CELF2: variants seen among roughly 807,000 people sequenced by gnomAD.
The protein encoded by CELF2 is CUG triplet repeat RNA-binding protein 2.
In CELF2, 8 loss-of-function variants were observed where a neutral mutation model predicts 62.6. That is an observed-to-expected ratio of 0.13 (90% CI 0.07 to 0.23). The LOEUF is 0.23. Among genes scored for constraint, CELF2 ranks in the 10% least tolerant of loss-of-function variants. CELF2 has a pLI of 1.00. For missense variants in CELF2, 333 were observed against 671.0 expected (o/e 0.50, Z 5.56); for synonymous variants, 258 against 250.0 (o/e 1.03, Z -0.30).
chr10:10,698,586 CT>C, the CELF2 span, among the ~76,000 whole-genome samples: 1 of 152,198 alleles, frequency 6.6e-6, no homozygotes, highest in East Asian at 1.9e-4. Flanking sequence ...AACTGCAGGT[CT>C]GGGTGAGGTG....
rs71378788 is a variant in CELF2 at position 11,285,826 on chromosome 10, G to GGT, written c.842-2541_842-2540dup. Among the ~76,000 whole-genome samples the GGT allele has an allele frequency of 1.9e-3, 247 of 128,782 alleles. 2 individuals are homozygous for GGT. The highest frequency in any genetic ancestry group is 6.9e-3 in the African/African-American group (236 of 34,022). The allele number at this position is 128,782 out of a possible 152,430, so 84.5% of individuals were successfully genotyped here. A position where few individuals can be genotyped will look rare whatever the true frequency, so the allele number is the denominator to read the frequency against. The stretch of plus-strand genomic sequence containing the variant: ...TTGCTCATCACCTACTATATATATT[G>GGT]GTGTGTGTGTGTGTGTGTGTGTGTG... On this transcript the variant is annotated intron_variant, in intron 8 of 12. Transcript: ENST00000633077. The surrounding 1 kb of genome is among the most constrained non-coding windows in gnomAD (Gnocchi z 4.3).
chr10:10,634,298 A>G, the CELF2 span, among the ~76,000 whole-genome samples: 1 of 152,060 alleles, frequency 6.6e-6, no homozygotes, highest in Non-Finnish European at 1.5e-5. Flanking sequence ...TCCTAGGTAT[A>G]TTCTAAATTG....
chr10:11,296,691 T>C lies in CELF2; in HGVS notation c.976+8139T>C, dbSNP rs568458383. On this transcript the variant is annotated intron_variant, in intron 9 of 12. Coordinates refer to ENST00000633077, the MANE Select transcript of CELF2 (RefSeq NM_001326342.2). This position sits in a 1 kb window ranked among gnomAD's most constrained non-coding sequence, Gnocchi z 5.0. Reference sequence around the variant, plus strand: ...TGGCCACCTACAAACACAAGCAAAATGTACCGACCTGTACAGCACAGACAG... The same window carrying C: ...TGGCCACCTACAAACACAAGCAAAACGTACCGACCTGTACAGCACAGACAG... 1.3e-5 allele frequency among the ~76,000 whole-genome samples: 2 copies of C among 152,116 alleles called. No homozygotes were observed. Among genetic ancestry groups the C allele is most frequent in the Admixed American group, 1.3e-4 (2 of 15,270 alleles).
chr10:10,842,908 C>A (rs1407100833), intron 1 of CELF2, among the ~76,000 whole-genome samples: 3 of 152,136 alleles, frequency 2.0e-5, no homozygotes, highest in Admixed American at 6.5e-5. Context: ...ACCAGCGGAA[C>A]CATCTCAGCC....
At chr10:10,836,497 C>G (rs536675487) in intron 1 of CELF2, among the ~76,000 whole-genome samples, 1 of 152,152 alleles carries the variant, frequency 6.6e-6, no homozygotes, top group African/African-American at 2.4e-5. Flanking sequence ...CAGGCAGAAG[C>G]CTTTCTAGAT....
chr10:11,333,582 AC>A lies in CELF2; in HGVS notation c.*4531del, dbSNP rs1215813110. On this transcript the variant is annotated 3_prime_UTR_variant, in exon 13 of 13. Transcript: ENST00000633077. Reference sequence around the variant, plus strand: ...TTTTAAAAAAACCTGTAGTTTCATTACCTTTTTGAATAATGTCATACAAAAA... The same window carrying A: ...TTTTAAAAAAACCTGTAGTTTCATTACTTTTTGAATAATGTCATACAAAAA... 22 of 152,510 alleles carry A rather than the reference AC, an allele frequency of 1.4e-4. No individual in the cohort carries two copies. The highest frequency in any genetic ancestry group is 5.1e-4 in the African/African-American group (21 of 41,562). The allele number at this position is 152,510 out of a possible 1,614,324, so 9.4% of individuals were successfully genotyped here.
chr10:11,304,412 AACAGAGT>A (rs1474825278), intron 9 of CELF2, among the ~76,000 whole-genome samples: 2 of 152,190 alleles, frequency 1.3e-5, no homozygotes, highest in Non-Finnish European at 2.9e-5. Context: ...TGTGGCTTAT[AACAGAGT>A]ACCTGAAAGT....
chr10:11,322,203 C>T (rs2095477809), intron 11 of CELF2, among the ~76,000 whole-genome samples: 1 of 152,114 alleles, frequency 6.6e-6, no homozygotes, highest in African/African-American at 2.4e-5. Flanking sequence ...AGTGTGTGGC[C>T]GGCTCTCAGT....
At chr10:11,132,305 A>G (rs2059746813) in intron 1 of CELF2, among the ~76,000 whole-genome samples, 1 of 152,198 alleles carries the variant, frequency 6.6e-6, no homozygotes. Flanking sequence ...GGTTTTAATT[A>G]TTGTTACTTC....
chr10:10,834,757 T>A (rs895304857), intron 1 of CELF2, among the ~76,000 whole-genome samples: 5 of 152,162 alleles, frequency 3.3e-5, no homozygotes, highest in African/African-American at 4.8e-5. Flanking sequence ...TTTGGTTTGA[T>A]GTGATAGATA....
intron 1 of CELF2, among the ~76,000 whole-genome samples, chr10:11,089,326 C>G (rs957642399): frequency 2.0e-4 from 31 of 152,248 alleles, no homozygotes; most frequent in African/African-American, 7.5e-4. Context: ...TTGAGGTGCG[C>G]ATAGGATTTT....
the CELF2 span, among the ~76,000 whole-genome samples, chr10:10,536,731 G>C: frequency 0.036 from 5,479 of 152,324 alleles, 323 homozygotes; most frequent in African/African-American, 0.13. Flanking sequence ...TATTTTAACA[G>C]AGAGAATTTA....
chr10:10,870,086 A>G (rs1038543062), intron 1 of CELF2, among the ~76,000 whole-genome samples: 1 of 152,232 alleles, frequency 6.6e-6, no homozygotes, highest in African/African-American at 2.4e-5. Context: ...GAAATAGGAG[A>G]TGGTTAACAT....
chr10:10,770,585 CTG>C, the CELF2 span, among the ~76,000 whole-genome samples: 1 of 152,204 alleles, frequency 6.6e-6, no homozygotes, highest in African/African-American at 2.4e-5. Context: ...GAATCATAGA[CTG>C]TGGCCAGAAA....
intron 5 of CELF2, among the ~76,000 whole-genome samples, chr10:11,258,945 A>G (rs1474685740): frequency 4.6e-5 from 7 of 152,184 alleles, no homozygotes; most frequent in Admixed American, 4.6e-4. Flanking sequence ...CAGCCTCCCA[A>G]AGTGCTGGGA....
chr10:11,083,510 G>A (rs1297365306), intron 1 of CELF2, among the ~76,000 whole-genome samples: 1 of 152,180 alleles, frequency 6.6e-6, no homozygotes, highest in Non-Finnish European at 1.5e-5. Context: ...ATCAAGGATG[G>A]AAAATAGCTT....
chr10:10,624,905 C>T, the CELF2 span, among the ~76,000 whole-genome samples: 1 of 152,208 alleles, frequency 6.6e-6, no homozygotes, highest in African/African-American at 2.4e-5. Flanking sequence ...GAAAGGTCCT[C>T]GTGCTGCTAC....
At chr10:11,013,430 GACCACGC>G (rs2056782205), upstream of CELF2, among the ~76,000 whole-genome samples, 1 of 152,170 alleles carries the variant, frequency 6.6e-6, no homozygotes, top group Non-Finnish European at 1.5e-5. This position sits in a 1 kb window ranked among gnomAD's most constrained non-coding sequence, Gnocchi z 4.1. Flanking sequence ...GGAAGCTGCA[GACCACGC>G]TAGTGGGGTC....
At chr10:10,821,917 C>A (rs1431209883) in intron 1 of CELF2, among the ~76,000 whole-genome samples, 2 of 152,164 alleles carry the variant, frequency 1.3e-5, no homozygotes, top group Non-Finnish European at 2.9e-5. Context: ...CTGGGAGCCA[C>A]CATGCCCTGC....
Sources: gnomAD v4.1 joint callset for allele counts (sites outside exome capture counted in the v4.1 genomes callset) on GRCh38, gnomAD v4.1.1 for gene constraint, Gnocchi (gnomAD v3.1) non-coding constraint, MANE v1.5 for transcripts, NCBI Gene and HGNC (gene_info 2026-07-23, HGNC 2026-07-21) for gene names.